EDEM3: variants seen among roughly 807,000 people sequenced by gnomAD.
The protein encoded by EDEM3 is ER degradation-enhancing alpha-mannosidase-like protein 3.
Under a neutral mutation model 110.2 loss-of-function variants are expected in EDEM3, and 60 were observed. That is an observed-to-expected ratio of 0.54 (90% CI 0.44 to 0.67). The LOEUF is 0.67. Ranked by LOEUF, EDEM3 falls within the 30% of genes least tolerant of loss-of-function variation. The pLI, the probability that EDEM3 is intolerant of heterozygous loss-of-function variation, is 0.00. For synonymous variants in EDEM3, 352 were observed against 382.9 expected, an observed-to-expected ratio of 0.92 and a Z score of 0.94; for missense variants, 996 against 1,121.0, an observed-to-expected ratio of 0.89 and a Z score of 1.59.
intron 1 of EDEM3, among the ~76,000 whole-genome samples, chr1:184,753,521 G>C (rs1162288967): frequency 6.6e-6 from 1 of 151,404 alleles, no homozygotes; most frequent in Non-Finnish European, 1.5e-5. Context: ...TAGAACTGAT[G>C]AATCAAAGTG....
At chr1:184,709,211 G>T (rs1053455933) in intron 16 of EDEM3, among the ~76,000 whole-genome samples, 7 of 152,098 alleles carry the variant, frequency 4.6e-5, no homozygotes, top group Admixed American at 1.3e-4. Context: ...GAGTAAACAA[G>T]AAAGAGATAA....
chr1:184,754,830 A>ACCGCCCT lies in EDEM3; in HGVS notation c.-191_-185dup, dbSNP rs1391587966. 9 of 978,372 alleles carry ACCGCCCT rather than the reference A, an allele frequency of 9.2e-6. No individual in the cohort carries two copies. The East Asian group carries it at 2.5e-4, about 27-fold the overall frequency. The allele number at this position is 978,372 out of a possible 1,614,324, so 60.6% of individuals were successfully genotyped here. A position where few individuals can be genotyped will look rare whatever the true frequency, so the allele number is the denominator to read the frequency against. ...GCCGGTCCCCAGCGCCAGCGCTGCC[A>ACCGCCCT]CCGCCCTCCGCCCTCAGTATCCCGG... On this transcript the variant is annotated 5_prime_UTR_variant, in exon 1 of 20. Transcript: ENST00000318130.
At chr1:184,716,466 C>T (rs1558052266) in intron 13 of EDEM3, among the ~76,000 whole-genome samples, 1 of 152,126 alleles carries the variant, frequency 6.6e-6, no homozygotes, top group Non-Finnish European at 1.5e-5. Flanking sequence ...AAGTCAGCAA[C>T]GGTGTAAGTA....
chr1:184,736,166 A>T (rs1014486578), intron 4 of EDEM3, among the ~76,000 whole-genome samples: 2 of 152,148 alleles, frequency 1.3e-5, no homozygotes, highest in African/African-American at 4.8e-5. Flanking sequence ...CAACAACTGA[A>T]TCAGAATAAC....
chr1:184,699,603 G>A (rs1413743660), intron 19 of EDEM3, among the ~76,000 whole-genome samples: 3 of 151,916 alleles, frequency 2.0e-5, no homozygotes, highest in African/African-American at 7.2e-5. Context: ...AAGGTGTGCA[G>A]TTCAGCTGTA....
At chr1:184,744,723 C>T (rs1370750011) in intron 2 of EDEM3, among the ~76,000 whole-genome samples, 2 of 152,004 alleles carry the variant, frequency 1.3e-5, no homozygotes, top group African/African-American at 4.8e-5. Context: ...ACTAATACTA[C>T]TGAGTAATAA....
rs547544282 is a variant in EDEM3, at chr1:184,730,055, A to G, written c.612+2782T>C. ...TAAGCAAAGAAATCCATATTAAAATATAATTCAATTTTTCCTCATTAAGTT... is the reference window on the plus strand; with the variant it reads ...TAAGCAAAGAAATCCATATTAAAATGTAATTCAATTTTTCCTCATTAAGTT... On this transcript the variant is annotated intron_variant, in intron 6 of 19. Coordinates refer to ENST00000318130, the MANE Select transcript of EDEM3 (RefSeq NM_025191.4). Among the ~76,000 whole-genome samples, 314 of 152,378 alleles carry G rather than the reference A, an allele frequency of 2.1e-3. 1 individual carries two copies. The highest frequency in any genetic ancestry group is 7.2e-3 in the African/African-American group (298 of 41,598).
chr1:184,716,670 T>C (rs1370006305), intron 13 of EDEM3, among the ~76,000 whole-genome samples: 2 of 152,174 alleles, frequency 1.3e-5, no homozygotes, highest in African/African-American at 2.4e-5. Context: ...TAAAAATCAT[T>C]TGAGCACCTA....
Position 184,702,798 on chromosome 1 carries a change from A to T in EDEM3, c.2389+13T>A. The stretch of plus-strand genomic sequence containing the variant: ...TACGCTGCATAAAAAAACAAATGGT[A>T]TTTTACTCTTACCTCGATCTTTTGC... On this transcript the variant is annotated intron_variant, in intron 19 of 19. Transcript: ENST00000318130. The T allele has an allele frequency of 6.4e-7, 1 of 1,553,446 alleles. No homozygotes were observed. Among genetic ancestry groups the T allele is most frequent in the Non-Finnish European group, 8.7e-7 (1 of 1,152,380 alleles).
At chr1:184,731,942 C>T (rs1027517673) in intron 6 of EDEM3, among the ~76,000 whole-genome samples, 1 of 151,834 alleles carries the variant, frequency 6.6e-6, no homozygotes. Flanking sequence ...TTTGGGAGGC[C>T]GAGGCAGGTG....
chr1:184,745,390 T>G (rs1226784047), intron 2 of EDEM3, among the ~76,000 whole-genome samples: 1 of 152,062 alleles, frequency 6.6e-6, no homozygotes, highest in East Asian at 1.9e-4. Context: ...AATACTTTGT[T>G]TACAGAATTA....
chr1:184,722,132 C>G (rs146283415), intron 8 of EDEM3, among the ~76,000 whole-genome samples: 1 of 152,166 alleles, frequency 6.6e-6, no homozygotes, highest in Non-Finnish European at 1.5e-5. Flanking sequence ...CAAGCACATA[C>G]ATGCTGGTAC....
At chr1:184,732,497 A>G (rs2102109384) in intron 6 of EDEM3, among the ~76,000 whole-genome samples, 1 of 152,344 alleles carries the variant, frequency 6.6e-6, no homozygotes, top group East Asian at 1.9e-4. Context: ...CAAAGAAATG[A>G]TAAATGCTCG....
At chr1:184,723,094 A>G (rs1650991388) in intron 8 of EDEM3, among the ~76,000 whole-genome samples, 1 of 151,920 alleles carries the variant, frequency 6.6e-6, no homozygotes, top group African/African-American at 2.4e-5. Flanking sequence ...ATAATTTTCT[A>G]TGTTTTGTAT....
intron 19 of EDEM3, chr1:184,701,678 AGGGCCCAG>A: frequency 2.1e-6 from 1 of 473,788 alleles, no homozygotes; most frequent in African/African-American, 2.1e-5. Context: ...AGTTTAGAAA[AGGGCCCAG>A]GAAAAAAAAA....
At chr1:184,750,364 A>G (rs1262705272) in intron 1 of EDEM3, among the ~76,000 whole-genome samples, 1 of 152,208 alleles carries the variant, frequency 6.6e-6, no homozygotes, top group African/African-American at 2.4e-5. Flanking sequence ...CAAAACCTGT[A>G]AGGTTGCGAC....
Position 184,691,632 on chromosome 1 carries a change from A to C in EDEM3, c.*2431T>G, listed in dbSNP as rs1649067670. On this transcript the variant is annotated 3_prime_UTR_variant, in exon 20 of 20. Transcript: ENST00000318130. The stretch of plus-strand genomic sequence containing the variant: ...AAAAAACAAAACACTAAAAAAAAAA[A>C]AAACAACTAATGCCTTTGGAATTTT... The C allele has an allele frequency of 6.6e-6, 1 of 152,440 alleles. No homozygotes were observed. Among genetic ancestry groups the C allele is most frequent in the Admixed American group, 6.6e-5 (1 of 15,258 alleles). 9.4% of individuals were successfully genotyped at this position (152,440 alleles called of 1,614,324 possible).
rs752502320 is a variant in EDEM3 at position 184,706,628 on chromosome 1, T to G, written c.2203+15A>C. The G allele has an allele frequency of 1.6e-5, 26 of 1,588,614 alleles. No homozygotes were observed. The East Asian group carries it at 5.6e-4, about 34-fold the overall frequency. On this transcript the variant is annotated intron_variant, in intron 18 of 19. Transcript: ENST00000318130. ...CTCCCCTTCAGTCAACACAATGACA[T>G]GGATGATTACTTACCAATAACAATG...
rs1651193204 is a variant in EDEM3 at position 184,726,359 on chromosome 1, C to G, written c.643G>C (p.Glu215Gln). The G allele has an allele frequency of 6.2e-7, 1 of 1,613,410 alleles. No homozygotes were observed. Among genetic ancestry groups the G allele is most frequent in the Non-Finnish European group, 8.5e-7 (1 of 1,179,690 alleles). ...TCTGTCTCAGTTCCTGTCCGAGCTT[C>G]TGGTTTTCTGATGCCAAACTTTAAA... ...INLKFGIRKPEARTGTETDTC... is the reference protein window; with the variant it reads ...INLKFGIRKPQARTGTETDTC... The change falls in exon 7 of 20, where the codon GAA becomes CAA. Residue 215 changes from glutamate (E) to glutamine (Q), a missense_variant. Physicochemically the swap from Glu to Gln is conservative, Grantham distance 29 (BLOSUM62 2). This residue lies in a region of EDEM3 where 310 missense variants were observed against 394.6 expected (regional missense o/e 0.79). Transcript: ENST00000318130.
Sources: allele counts gnomAD v4.1 joint callset (sites outside exome capture counted in the v4.1 genomes callset), GRCh38; gene constraint gnomAD v4.1.1; regional missense constraint gnomAD v4.1.1; transcripts MANE v1.5; gene names NCBI Gene and HGNC (gene_info 2026-07-23, HGNC 2026-07-21).